MACROD2: variants seen among roughly 807,000 people sequenced by gnomAD.
MACROD2 encodes mono-ADP ribosylhydrolase 2.
A neutral mutation model predicts 70.4 loss-of-function variants in MACROD2; 36 were observed. The ratio of observed to expected loss-of-function variants is 0.51; its 90% confidence interval spans 0.39 to 0.68. The LOEUF (loss-of-function observed/expected upper bound fraction) is 0.68, where lower values mean the gene tolerates loss of function less well. Among genes scored for constraint, MACROD2 ranks in the 30% least tolerant of loss-of-function variants. The probability of loss-of-function intolerance (pLI) is 0.00; values close to 1 mark genes in which losing one functional copy is unlikely to be tolerated. For missense variants in MACROD2, 496 were observed against 538.4 expected (o/e 0.92, Z 0.78); for synonymous variants, 172 against 178.8 (o/e 0.96, Z 0.30).
intron 3 of MACROD2, among the ~76,000 whole-genome samples, chr20:14,317,480 G>A (rs1321611324): frequency 3.3e-5 from 5 of 151,992 alleles, no homozygotes; most frequent in Admixed American, 2.0e-4. Context: ...GCTGGGGGTG[G>A]TGGCATGCAC....
chr20:14,012,481 C>G (rs1346312721), intron 2 of MACROD2, among the ~76,000 whole-genome samples: 2 of 152,156 alleles, frequency 1.3e-5, no homozygotes, highest in Non-Finnish European at 2.9e-5. Flanking sequence ...GCGGGCATAG[C>G]TGTAGTGATG....
Position 15,035,924 on chromosome 20 carries a change from C to T in MACROD2, c.419-194016C>T, listed in dbSNP as rs141514622. Among the ~76,000 whole-genome samples the T allele has an allele frequency of 2.4e-3, 359 of 151,994 alleles. 2 individuals are homozygous for T. The highest frequency in any genetic ancestry group is 8.5e-3 in the African/African-American group (352 of 41,452). ...TCATTTCTTTTAGGAGATCTGGTGTCAGTGAAAACAAAAGCCAGGCATGCC... is the reference window on the plus strand; with the variant it reads ...TCATTTCTTTTAGGAGATCTGGTGTTAGTGAAAACAAAAGCCAGGCATGCC... On this transcript the variant is annotated intron_variant, in intron 5 of 17. Coordinates refer to ENST00000684519, the MANE Select transcript of MACROD2 (RefSeq NM_001351661.2).
At chr20:15,147,350 T>A (rs543981016) in intron 5 of MACROD2, among the ~76,000 whole-genome samples, 28 of 152,200 alleles carry the variant, frequency 1.8e-4, no homozygotes, top group African/African-American at 6.7e-4. Context: ...ATGTTTTACA[T>A]AGGAAATTTT....
At chr20:14,322,626 CAG>C (rs1486203438) in intron 3 of MACROD2, among the ~76,000 whole-genome samples, 11 of 152,034 alleles carry the variant, frequency 7.2e-5, no homozygotes, top group African/African-American at 2.4e-4. Context: ...AGCCAAAAGA[CAG>C]AGTGTTGGGA....
chr20:14,718,118 C>T (rs2071417573), intron 5 of MACROD2, among the ~76,000 whole-genome samples: 1 of 151,504 alleles, frequency 6.6e-6, no homozygotes, highest in Non-Finnish European at 1.5e-5. Context: ...CATGGTGAAA[C>T]CCCGTCTCTA....
intron 8 of MACROD2, among the ~76,000 whole-genome samples, chr20:15,663,588 C>G (rs8116000): frequency 0.14 from 21,177 of 150,844 alleles, 2,291 homozygotes; most frequent in African/African-American, 0.3. Context: ...AAACTTAAAA[C>G]AATTAAAAAC....
chr20:15,976,689 G>A (rs1375980381), intron 13 of MACROD2, among the ~76,000 whole-genome samples: 3 of 152,026 alleles, frequency 2.0e-5, no homozygotes, highest in African/African-American at 7.3e-5. Flanking sequence ...TTTCAAAGCT[G>A]GACACCTTGT....
At chr20:14,466,684 G>T (rs545940845) in intron 3 of MACROD2, among the ~76,000 whole-genome samples, 2 of 152,156 alleles carry the variant, frequency 1.3e-5, no homozygotes, top group Non-Finnish European at 2.9e-5. Context: ...TTTCGTCTTT[G>T]ATGATGGTGA....
At chr20:15,364,278 C>A (rs1369957520) in intron 6 of MACROD2, among the ~76,000 whole-genome samples, 1 of 152,228 alleles carries the variant, frequency 6.6e-6, no homozygotes, top group Non-Finnish European at 1.5e-5. Context: ...GGATGCCCTG[C>A]AGCAGTGTAT....
At chr20:14,066,004 A>T (rs2053751466) in intron 2 of MACROD2, among the ~76,000 whole-genome samples, 1 of 152,188 alleles carries the variant, frequency 6.6e-6, no homozygotes, top group African/African-American at 2.4e-5. Flanking sequence ...TTCATTATCC[A>T]TAGAGTTCAA....
chr20:15,011,301 G>A (rs1370519987), intron 5 of MACROD2, among the ~76,000 whole-genome samples: 5 of 152,130 alleles, frequency 3.3e-5, no homozygotes, highest in Non-Finnish European at 7.4e-5. Context: ...AAAGAGAGAA[G>A]GAAAGAGAGA....
chr20:15,164,489 A>C (rs2076369573), intron 5 of MACROD2, among the ~76,000 whole-genome samples: 1 of 152,202 alleles, frequency 6.6e-6, no homozygotes, highest in Non-Finnish European at 1.5e-5. Context: ...ACTGAATCAT[A>C]ATAAAATCAG....
chr20:15,713,333 G>GT (rs1330761300), intron 8 of MACROD2, among the ~76,000 whole-genome samples: 4 of 152,192 alleles, frequency 2.6e-5, no homozygotes, highest in African/African-American at 9.6e-5. Context: ...ATGAACTTTA[G>GT]TTCTGGGCTT....
chr20:15,782,717 CAAAA>C (rs11472322), intron 8 of MACROD2, among the ~76,000 whole-genome samples: 2,227 of 83,340 alleles, frequency 0.027, 66 homozygotes, highest in African/African-American at 0.085. Context: ...AGAGAAATGG[CAAAA>C]AAAAAAAAAA....
Position 15,361,594 on chromosome 20 carries a change from A to G in MACROD2, c.541-69811A>G, listed in dbSNP as rs539554354. Among the ~76,000 whole-genome samples the G allele has an allele frequency of 2.6e-5, 4 of 152,340 alleles. No individual in the cohort carries two copies. The South Asian group carries it at 8.3e-4, about 32-fold the overall frequency. The stretch of plus-strand genomic sequence containing the variant: ...ATAACGTTTTCTGTAGCTACAAATA[A>G]TCTTGCCAGAATTTTTATTGGAATT... On this transcript the variant is annotated intron_variant, in intron 6 of 17. Coordinates refer to ENST00000684519, the MANE Select transcript of MACROD2 (RefSeq NM_001351661.2).
chr20:14,363,091 C>G (rs917410817), intron 3 of MACROD2, among the ~76,000 whole-genome samples: 20 of 152,178 alleles, frequency 1.3e-4, no homozygotes, highest in Non-Finnish European at 2.5e-4. Context: ...CTCAGCTCCA[C>G]CTCTTCACCT....
chr20:14,011,513 G>C (rs1453155754), intron 2 of MACROD2, among the ~76,000 whole-genome samples: 1 of 151,540 alleles, frequency 6.6e-6, no homozygotes. Context: ...TGTTCAAGTA[G>C]ATATTCTTTC....
At chr20:14,268,878 A>G (rs184963639) in intron 3 of MACROD2, among the ~76,000 whole-genome samples, 1 of 152,236 alleles carries the variant, frequency 6.6e-6, no homozygotes, top group East Asian at 1.9e-4. Flanking sequence ...AAAACAAGCT[A>G]TCAGTTCCCA....
chr20:14,515,035 A>G (rs2085075964), intron 4 of MACROD2, among the ~76,000 whole-genome samples: 1 of 152,116 alleles, frequency 6.6e-6, no homozygotes, highest in Admixed American at 6.6e-5. Flanking sequence ...AACTTTATCA[A>G]AAAGAGAAGT....
Sources: gnomAD v4.1 joint callset for allele counts (sites outside exome capture counted in the v4.1 genomes callset) on GRCh38, gnomAD v4.1.1 for gene constraint, MANE v1.5 for transcripts, NCBI Gene and HGNC (gene_info 2026-07-23, HGNC 2026-07-21) for gene names.